BICDL1: variants seen among roughly 807,000 people sequenced by gnomAD.
BICDL1 encodes BICD family-like cargo adapter 1.
In BICDL1, 20 loss-of-function variants were observed where a neutral mutation model predicts 76.8. The observed-to-expected ratio is 0.26, with a 90% confidence interval of 0.18 to 0.38. The LOEUF (loss-of-function observed/expected upper bound fraction) is 0.38. Among genes scored for constraint, BICDL1 ranks in the 10% least tolerant of loss-of-function variants. BICDL1 has a pLI of 1.00. For synonymous variants in BICDL1, 383 were observed against 337.1 expected (o/e 1.14, Z -1.49); for missense variants, 700 against 798.6 (o/e 0.88, Z 1.49).
At chr12:120,020,352 C>T (rs140259058) in intron 2 of BICDL1, among the ~76,000 whole-genome samples, 23 of 152,230 alleles carry the variant, frequency 1.5e-4, no homozygotes, top group Middle Eastern at 3.4e-3. Context: ...GAGTTGGCTG[C>T]AATTGATTTA....
chr12:120,026,280 A>ATTT (rs759564580), intron 2 of BICDL1, among the ~76,000 whole-genome samples: 23 of 152,326 alleles, frequency 1.5e-4, no homozygotes, highest in Non-Finnish European at 2.9e-4. Context: ...TCTGTGATTT[A>ATTT]TTTTTAAATA....
chr12:120,088,875 A>G (rs555764269), intron 8 of BICDL1, among the ~76,000 whole-genome samples: 1 of 151,554 alleles, frequency 6.6e-6, no homozygotes, highest in Non-Finnish European at 1.5e-5. Context: ...ACTGTTAGCC[A>G]GGATGGTCTC....
intron 2 of BICDL1, chr12:120,057,179 C>A: frequency 2.0e-6 from 1 of 502,148 alleles, no homozygotes; most frequent in South Asian, 1.5e-5. Context: ...ACAAGTACTA[C>A]TAGGACTTGT....
chr12:120,011,290 C>T (rs1270181064), intron 2 of BICDL1, among the ~76,000 whole-genome samples: 2 of 152,118 alleles, frequency 1.3e-5, no homozygotes, highest in East Asian at 3.8e-4. Flanking sequence ...TACAAGAAAA[C>T]CTGGGAAATG....
intron 3 of BICDL1, among the ~76,000 whole-genome samples, chr12:120,063,978 AAAG>A (rs762229029): frequency 6.6e-6 from 1 of 152,188 alleles, no homozygotes; most frequent in African/African-American, 2.4e-5. Context: ...GACCTTCCTA[AAAG>A]AAGATTTACT....
intron 2 of BICDL1, among the ~76,000 whole-genome samples, chr12:120,033,690 A>T (rs1463909579): frequency 4.6e-5 from 7 of 151,856 alleles, no homozygotes; most frequent in Non-Finnish European, 1.0e-4. Context: ...GCCGGCTGAG[A>T]GTTCTTGCTT....
chr12:119,991,404 C>T (rs989714020), intron 1 of BICDL1, among the ~76,000 whole-genome samples: 2 of 152,124 alleles, frequency 1.3e-5, no homozygotes, highest in Non-Finnish European at 2.9e-5. Flanking sequence ...AGTCCAGCGA[C>T]GTAAAAGTAA....
In BICDL1 at chr12:120,030,366, A is replaced by G. The variant is rs988850236; in HGVS notation, c.646-31344A>G. Among the ~76,000 whole-genome samples the G allele has an allele frequency of 4.6e-5, 7 of 152,226 alleles. No homozygotes were observed. In the South Asian group the frequency reaches 8.3e-4, roughly 18 times the overall value. On this transcript the variant is annotated intron_variant, in intron 2 of 9. Transcript: ENST00000548673. ...GTCAACCCTTCATTAAACCCAAGAA[A>G]GAGCCTAATAATGACTATCTGCGCT...
At chr12:120,062,696 G>C (rs780072669) in intron 3 of BICDL1, among the ~76,000 whole-genome samples, 1 of 152,114 alleles carries the variant, frequency 6.6e-6, no homozygotes, top group South Asian at 2.1e-4. Context: ...CTTTTCTCCT[G>C]CCTCCTATTC....
intron 2 of BICDL1, among the ~76,000 whole-genome samples, chr12:120,056,084 A>G (rs1952965607): frequency 6.6e-6 from 1 of 152,160 alleles, no homozygotes; most frequent in Non-Finnish European, 1.5e-5. Context: ...ATGAATAGAA[A>G]ATTTCTAAAA....
chr12:120,031,439 C>T (rs958384619), intron 2 of BICDL1, among the ~76,000 whole-genome samples: 2 of 152,048 alleles, frequency 1.3e-5, no homozygotes, highest in African/African-American at 4.8e-5. Context: ...CTCCTGACCT[C>T]GTGATCTGCC....
chr12:120,094,224 G>A lies in BICDL1; in HGVS notation c.*1063G>A, dbSNP rs371058585. The A allele has an allele frequency of 2.2e-5, 10 of 456,422 alleles. No homozygotes were observed. The highest frequency in any genetic ancestry group is 2.6e-5 in the Non-Finnish European group (6 of 226,894). 28.3% of individuals were successfully genotyped at this position (456,422 alleles called of 1,614,324 possible). On this transcript the variant is annotated 3_prime_UTR_variant, in exon 10 of 10. Transcript: ENST00000548673. ...CCAGGCCCCAACTCAGAGGCTCCGCGGCCCGGCCAGCCCTCAGCTGCTCAC... is the reference window on the plus strand; with the variant it reads ...CCAGGCCCCAACTCAGAGGCTCCGCAGCCCGGCCAGCCCTCAGCTGCTCAC...
intron 1 of BICDL1, among the ~76,000 whole-genome samples, chr12:119,996,070 G>C (rs1036263938): frequency 6.6e-6 from 1 of 152,046 alleles, no homozygotes; most frequent in Admixed American, 6.6e-5. Flanking sequence ...TGATGAGAAG[G>C]CCCTCCCTTG....
intron 1 of BICDL1, among the ~76,000 whole-genome samples, chr12:119,995,996 A>G (rs1951637432): frequency 6.6e-6 from 1 of 152,044 alleles, no homozygotes; most frequent in African/African-American, 2.4e-5. Context: ...AAAAAAAAAA[A>G]AAAAATTCTC....
rs533738201 is a variant in BICDL1, at chr12:120,045,083, AC to A, written c.646-16626del. On this transcript the variant is annotated intron_variant, in intron 2 of 9. Transcript: ENST00000548673. Reference sequence around the variant, plus strand: ...ACTCAAACAAATTTACAAGAAAAAAACAACCCCATCAAAAAGTGGGCGAAGG... The same window carrying A: ...ACTCAAACAAATTTACAAGAAAAAAAAACCCCATCAAAAAGTGGGCGAAGG... Among the ~76,000 whole-genome samples the A allele has an allele frequency of 6.9e-4, 105 of 152,330 alleles. 1 individual carries two copies. The highest frequency in any genetic ancestry group is 2.4e-3 in the African/African-American group (101 of 41,580).
At chr12:120,060,970 C>G (rs894668168) in intron 2 of BICDL1, among the ~76,000 whole-genome samples, 1 of 152,168 alleles carries the variant, frequency 6.6e-6, no homozygotes, top group Admixed American at 6.5e-5. Context: ...TGTCCCGTGG[C>G]TCTCCTCTCC....
Position 119,989,801 on chromosome 12 carries a change from C to A in BICDL1, c.-68C>A. ...CGGGACGCGGGGCGGCGCGGCAGGG[C>A]CCCTCCCCCCTGCAGCCTGGCGCGC... is the stretch of plus-strand genomic sequence containing the variant. On this transcript the variant is annotated 5_prime_UTR_variant, in exon 1 of 10. Transcript: ENST00000548673. 2 of 730,260 alleles carry A rather than the reference C, an allele frequency of 2.7e-6. No homozygotes were observed. The highest frequency in any genetic ancestry group is 3.4e-6 in the Non-Finnish European group (2 of 589,732). 45.2% of individuals were successfully genotyped at this position (730,260 alleles called of 1,614,324 possible).
chr12:120,027,491 G>T (rs940493083), intron 2 of BICDL1, among the ~76,000 whole-genome samples: 2 of 152,044 alleles, frequency 1.3e-5, no homozygotes, highest in South Asian at 2.1e-4. Flanking sequence ...TTTTCTACAG[G>T]TAGGGAAATT....
intron 2 of BICDL1, among the ~76,000 whole-genome samples, chr12:120,054,896 G>A (rs910954354): frequency 1.3e-5 from 2 of 151,942 alleles, no homozygotes; most frequent in Non-Finnish European, 2.9e-5. Flanking sequence ...TAATAATAAC[G>A]TAGGAATGCT....
Sources: allele counts gnomAD v4.1 joint callset (sites outside exome capture counted in the v4.1 genomes callset), GRCh38; gene constraint gnomAD v4.1.1; transcripts MANE v1.5; gene names NCBI Gene and HGNC (gene_info 2026-07-23, HGNC 2026-07-21).